Variants in SH3TC2 observed in about 807,000 individuals in gnomAD.
SH3TC2 encodes SH3 domain and tetratricopeptide repeats 2.
In SH3TC2, 87 loss-of-function variants were observed where a neutral mutation model predicts 124.5. That is an observed-to-expected ratio of 0.70 (90% confidence interval 0.59 to 0.84). SH3TC2 has a LOEUF of 0.84. Ranked by LOEUF, SH3TC2 falls within the 40% of genes least tolerant of loss-of-function variation. SH3TC2 has a pLI of 0.00. For missense variants in SH3TC2, 1,536 were observed against 1,566.4 expected (o/e 0.98, Z 0.33); for synonymous variants, 634 against 628.5 (o/e 1.01, Z -0.13).
chr5:149,007,106 C>T (rs1313270208), intron 15 of SH3TC2, 29 bp from the exon 16 acceptor site: 2 of 1,605,208 alleles, frequency 1.2e-6, no homozygotes, highest in Admixed American at 3.3e-5. Flanking sequence ...AGAGAGATAT[C>T]CTGCAACCAA....
chr5:149,015,784 G>T (rs553014013), intron 12 of SH3TC2, among the ~76,000 whole-genome samples: 1 of 152,274 alleles, frequency 6.6e-6, no homozygotes, highest in Non-Finnish European at 1.5e-5. Context: ...TCTGGCCAAA[G>T]CCCAGCCTCC....
At position 148,993,372 on chromosome 5, in the gene SH3TC2, G is replaced by T. The variant is rs1753452401; in HGVS notation, c.*11339C>A. On this transcript the variant is annotated 3_prime_UTR_variant, in exon 17 of 17. Coordinates refer to ENST00000515425, the MANE Select transcript of SH3TC2 (RefSeq NM_024577.4). ...AAGCCATCATTGTAAAATTCCAAAT[G>T]CAAAAGAATTCATCTCCATAAAATG... Among the ~76,000 whole-genome samples the T allele has an allele frequency of 6.6e-6, 1 of 152,070 alleles. No homozygotes were observed. Among genetic ancestry groups the T allele is most frequent in the African/African-American group, 2.4e-5 (1 of 41,398 alleles).
intron 2 of SH3TC2, among the ~76,000 whole-genome samples, chr5:149,049,343 C>T (rs1754518432): frequency 6.6e-6 from 1 of 152,228 alleles, no homozygotes; most frequent in Non-Finnish European, 1.5e-5. Flanking sequence ...AGGGGTCACG[C>T]AGTCTCCAGC....
In SH3TC2 at chr5:149,028,699, C is replaced by T; in HGVS notation, c.1155G>A (p.Gln385=). The change falls in exon 10 of 17, where the codon CAG becomes CAA. Residue 385 remains glutamine, a synonymous_variant. Coordinates refer to ENST00000515425, the MANE Select transcript of SH3TC2 (RefSeq NM_024577.4). ...CACCACTCAGATCATTTGGAGGATTCTGGATGGATTCAAACCCACCTAAGT... is the reference window on the plus strand; with the variant it reads ...CACCACTCAGATCATTTGGAGGATTTTGGATGGATTCAAACCCACCTAAGT... ...VYRLSGFESI[Q]NPPNDLSASQ... 6.2e-7 allele frequency: 1 copy of T among 1,614,186 alleles called. No homozygotes were observed. Among genetic ancestry groups the T allele is most frequent in the East Asian group, 2.2e-5 (1 of 44,874 alleles).
At chr5:149,054,461 C>T (rs1754609170) in intron 1 of SH3TC2, among the ~76,000 whole-genome samples, 1 of 152,178 alleles carries the variant, frequency 6.6e-6, no homozygotes, top group Non-Finnish European at 1.5e-5. Flanking sequence ...ACAGGTGATG[C>T]TCCTCCTGCT....
chr5:149,002,594 A>G lies in SH3TC2; in HGVS notation c.*2117T>C, dbSNP rs1753615433. On this transcript the variant is annotated 3_prime_UTR_variant, in exon 17 of 17. Transcript: ENST00000515425. Reference sequence around the variant, plus strand: ...CGGCTCAACTCACCACTCCCATCTCACCCTTTCATACAACCAATCATCTGG... The same window carrying G: ...CGGCTCAACTCACCACTCCCATCTCGCCCTTTCATACAACCAATCATCTGG... 1 of 151,902 alleles carries G rather than the reference A, an allele frequency of 6.6e-6. No homozygotes were observed. The highest frequency in any genetic ancestry group is 6.6e-5 in the Admixed American group (1 of 15,262). 9.4% of individuals were successfully genotyped at this position (151,902 alleles called of 1,614,324 possible).
chr5:149,010,171 A>G (rs993239052), intron 14 of SH3TC2, 99 bp downstream of exon 14: 58 of 1,532,604 alleles, frequency 3.8e-5, no homozygotes, highest in Middle Eastern at 2.2e-4. Context: ...ATGAAATACA[A>G]GCAAGAGAGG....
At chr5:149,030,093 G>T (rs1754157837) in intron 9 of SH3TC2, among the ~76,000 whole-genome samples, 1 of 152,206 alleles carries the variant, frequency 6.6e-6, no homozygotes, top group Non-Finnish European at 1.5e-5. Context: ...GCTTGGCTAA[G>T]GAGAGCTGTT....
intron 12 of SH3TC2, among the ~76,000 whole-genome samples, chr5:149,025,245 A>G (rs1754044002): frequency 6.6e-6 from 1 of 152,154 alleles, no homozygotes; most frequent in Non-Finnish European, 1.5e-5. Context: ...GAAGGCAAAG[A>G]CAGCAGGAGG....
At chr5:149,031,107 T>C (rs772338120) in intron 9 of SH3TC2, among the ~76,000 whole-genome samples, 5 of 152,242 alleles carry the variant, frequency 3.3e-5, no homozygotes, top group Non-Finnish European at 5.9e-5. Flanking sequence ...TTATCCTAGC[T>C]CAGGCACTAA....
chr5:149,041,367 ACCT>A, intron 6 of SH3TC2, 46 bp downstream of exon 6: 2 of 1,595,968 alleles, frequency 1.3e-6, no homozygotes, highest in Non-Finnish European at 1.7e-6. Context: ...TTCTGTGCAA[ACCT>A]CAGTCTGCTC....
At chr5:149,048,951 G>A (rs548588884) in intron 2 of SH3TC2, among the ~76,000 whole-genome samples, 93 of 152,314 alleles carry the variant, frequency 6.1e-4, no homozygotes, top group African/African-American at 2.2e-3. Context: ...CTGAGAAGGC[G>A]TTGGAATGGA....
intron 16 of SH3TC2, 99 bp from the exon 17 acceptor site, chr5:149,005,001 T>G (rs925788680): frequency 3.9e-6 from 5 of 1,296,324 alleles, no homozygotes; most frequent in Non-Finnish European, 5.5e-6. Flanking sequence ...TTTTTGTTTG[T>G]TTGTTTGTTT....
intron 1 of SH3TC2, chr5:149,062,308 A>G: frequency 3.8e-6 from 2 of 527,952 alleles, no homozygotes; most frequent in South Asian, 1.4e-5. Context: ...AAAAAAAGCA[A>G]GAAGGTTGCT....
Position 149,003,903 on chromosome 5 carries a change from A to T in SH3TC2, c.*808T>A, listed in dbSNP as rs532926901. On this transcript the variant is annotated 3_prime_UTR_variant, in exon 17 of 17. Coordinates refer to ENST00000515425, the MANE Select transcript of SH3TC2 (RefSeq NM_024577.4). ...TATTGGTATTCTCTCCCATCCATCA[A>T]GTCCTCCATCTCATCTGCCCCCATT... The T allele has an allele frequency of 1.3e-4, 44 of 341,742 alleles. No individual in the cohort carries two copies. The highest frequency in any genetic ancestry group is 9.3e-4 in the African/African-American group (43 of 46,092). The allele number at this position is 341,742 out of a possible 1,614,324, so 21.2% of individuals were successfully genotyped here.
chr5:149,024,754 T>C (rs1025137257), intron 12 of SH3TC2, among the ~76,000 whole-genome samples: 11 of 152,180 alleles, frequency 7.2e-5, no homozygotes, highest in African/African-American at 2.7e-4. Context: ...GACCCACCCC[T>C]GACCTCCTCT....
At position 149,027,517 on chromosome 5, in the gene SH3TC2, T is replaced by C. The variant is rs146707871; in HGVS notation, c.2215A>G (p.Met739Val). The C allele has an allele frequency of 4.5e-5, 73 of 1,614,040 alleles. No individual in the cohort carries two copies. The highest frequency in any genetic ancestry group is 2.7e-4 in the African/African-American group (20 of 74,932). Residue 739 changes from methionine (M) to valine (V), a missense_variant, in exon 11 of 17, where the codon ATG becomes GTG. Coordinates refer to ENST00000515425, the MANE Select transcript of SH3TC2 (RefSeq NM_024577.4). ...WGEVSALACP[M>V]LRQALAACEE... Reference sequence around the variant, plus strand: ...CAGGCAGCCAGGGCCTGTCTGAGCATTGGGCAGGCCAAGGCAGAAACTTCA... The same window carrying C: ...CAGGCAGCCAGGGCCTGTCTGAGCACTGGGCAGGCCAAGGCAGAAACTTCA...
chr5:149,013,159 G>A (rs1389211809), intron 12 of SH3TC2, among the ~76,000 whole-genome samples: 1 of 152,014 alleles, frequency 6.6e-6, no homozygotes, highest in African/African-American at 2.4e-5. Context: ...AAATGGTTTG[G>A]CTGTGTCCCC....
chr5:149,010,667 T>C (rs189063524), intron 13 of SH3TC2, among the ~76,000 whole-genome samples: 1 of 152,242 alleles, frequency 6.6e-6, no homozygotes, highest in Non-Finnish European at 1.5e-5. Context: ...AGTTAAGTAT[T>C]TATTTTAATG....
Sources: gnomAD v4.1 joint callset for allele counts (sites outside exome capture counted in the v4.1 genomes callset) on GRCh38, gnomAD v4.1.1 for gene constraint, MANE v1.5 for transcripts, NCBI Gene and HGNC (gene_info 2026-07-23, HGNC 2026-07-21) for gene names.